RAPGEF6: variants seen among roughly 807,000 people sequenced by gnomAD.
The protein encoded by RAPGEF6 is PDZ domain containing guanine nucleotide exchange factor (GEF) 2.
RAPGEF6 carries 56 observed loss-of-function variants against 171.4 expected under a neutral mutation model. That is an observed-to-expected ratio of 0.33 (90% CI 0.26 to 0.41). RAPGEF6 has a LOEUF of 0.41. RAPGEF6 is among the 10% of genes least tolerant of loss of function. RAPGEF6 has a pLI of 1.00. For missense variants in RAPGEF6, 1,674 were observed against 1,921.4 expected, an observed-to-expected ratio of 0.87 and a Z score of 2.41; for synonymous variants, 692 against 650.1, an observed-to-expected ratio of 1.06 and a Z score of -0.98.
intron 20 of RAPGEF6, among the ~76,000 whole-genome samples, chr5:131,454,407 T>C (rs1481574646): frequency 2.0e-5 from 3 of 151,830 alleles, no homozygotes; most frequent in Non-Finnish European, 4.4e-5. Context: ...GGAGAAAACA[T>C]AACATGACAG....
intron 19 of RAPGEF6, among the ~76,000 whole-genome samples, chr5:131,457,065 T>C (rs905241650): frequency 1.3e-5 from 2 of 152,098 alleles, no homozygotes; most frequent in Non-Finnish European, 2.9e-5. Flanking sequence ...AATCCTTTAT[T>C]TTATTTATTT....
intron 3 of RAPGEF6, among the ~76,000 whole-genome samples, chr5:131,596,997 T>C (rs1036022425): frequency 6.6e-6 from 1 of 151,896 alleles, no homozygotes; most frequent in Non-Finnish European, 1.5e-5. Context: ...CCTCTGACAA[T>C]GGGTTAATAT....
intron 22 of RAPGEF6, among the ~76,000 whole-genome samples, chr5:131,443,658 A>C (rs1365236912): frequency 6.6e-6 from 1 of 152,192 alleles, no homozygotes; most frequent in Non-Finnish European, 1.5e-5. Context: ...ATGATTTAGC[A>C]TCAGCCTGCT....
intron 19 of RAPGEF6, among the ~76,000 whole-genome samples, chr5:131,458,725 C>G (rs1463887446): frequency 6.6e-6 from 1 of 152,218 alleles, no homozygotes; most frequent in Admixed American, 6.5e-5. Flanking sequence ...ATGATCTTGG[C>G]TTACTGCAAC....
intron 3 of RAPGEF6, 119 bp from the exon 4 acceptor site, chr5:131,592,585 C>T (rs1763657491): frequency 2.1e-6 from 3 of 1,443,836 alleles, no homozygotes; most frequent in Non-Finnish European, 2.7e-6. Context: ...AGTAACACTA[C>T]CTGGAAATTT....
At chr5:131,439,768 T>C in intron 23 of RAPGEF6, 53 bp from the exon 24 acceptor site, 1 of 1,585,330 alleles carries the variant, frequency 6.3e-7, no homozygotes, top group Non-Finnish European at 8.6e-7. Flanking sequence ...TTAAAATGTC[T>C]ATAGTTGCCT....
At position 131,427,242 on chromosome 5, in the gene RAPGEF6, G is replaced by T; in HGVS notation, c.*24C>A. ...GCCCATTCCTCCACGACTTTCAGTG[G>T]TTTTCAAATAGGTCATCCAAAGGCT... On this transcript the variant is annotated 3_prime_UTR_variant, in exon 28 of 28. Transcript: ENST00000509018. 1 of 1,603,892 alleles carries T rather than the reference G, an allele frequency of 6.2e-7. No homozygotes were observed. The highest frequency in any genetic ancestry group is 8.5e-7 in the Non-Finnish European group (1 of 1,170,800).
At position 131,472,678 on chromosome 5, in the gene RAPGEF6, C is replaced by A. The variant is rs1474255389; in HGVS notation, c.2148G>T (p.Leu716=). ...GTGTTCCAGGGATGGGCATTATAGC[C>A]AGACTATGCCTACAGTGCCTTGTTC... ...IVGTRHCRHS[L]AIMPIPGTLS... The change falls in exon 17 of 28, where the codon CTG becomes CTT. Residue 716 remains leucine (L), a synonymous_variant. Transcript: ENST00000509018. 6.2e-7 allele frequency: 1 copy of A among 1,612,770 alleles called. No homozygotes were observed. Among genetic ancestry groups the A allele is most frequent in the African/African-American group, 1.3e-5 (1 of 74,878 alleles).
chr5:131,510,296 A>G lies in RAPGEF6; in HGVS notation c.805+18T>C, dbSNP rs767112735. 3 of 1,595,742 alleles carry G rather than the reference A, an allele frequency of 1.9e-6. No homozygotes were observed. Among genetic ancestry groups the G allele is most frequent in the Non-Finnish European group, 2.6e-6 (3 of 1,172,068 alleles). The stretch of plus-strand genomic sequence containing the variant: ...AATTAAGTTACAAATTCTTATTGTG[A>G]ACACATATATTTCTTACCAATGTCA... On this transcript the variant is annotated intron_variant, in intron 8 of 27. Transcript: ENST00000509018.
intron 7 of RAPGEF6, 88 bp from the exon 8 acceptor site, chr5:131,510,579 C>A (rs1757654485): frequency 1.6e-6 from 2 of 1,267,848 alleles, no homozygotes; most frequent in Non-Finnish European, 2.2e-6. Flanking sequence ...CCCATCCCTA[C>A]AAAATATAAA....
At chr5:131,591,915 T>C (rs1265800203) in intron 4 of RAPGEF6, among the ~76,000 whole-genome samples, 1 of 152,132 alleles carries the variant, frequency 6.6e-6, no homozygotes, top group African/African-American at 2.4e-5. Flanking sequence ...TGGAGTGTAA[T>C]GGCGTGGTCT....
intron 5 of RAPGEF6, among the ~76,000 whole-genome samples, chr5:131,559,907 A>T (rs2149964957): frequency 6.6e-6 from 1 of 152,192 alleles, no homozygotes; most frequent in Middle Eastern, 3.4e-3. Flanking sequence ...TCAGATTAAG[A>T]TGACTAACTT....
chr5:131,574,401 T>TTACA (rs1342750469), intron 4 of RAPGEF6, among the ~76,000 whole-genome samples: 1 of 152,130 alleles, frequency 6.6e-6, no homozygotes, highest in Non-Finnish European at 1.5e-5. Flanking sequence ...CGGGTAACTC[T>TTACA]TACAGTGGAG....
chr5:131,575,559 T>A (rs1263202827), intron 4 of RAPGEF6, among the ~76,000 whole-genome samples: 1 of 152,222 alleles, frequency 6.6e-6, no homozygotes, highest in Admixed American at 6.5e-5. Context: ...CTTTCCTTCC[T>A]AGGCGTGGTT....
At position 131,616,807 on chromosome 5, in the gene RAPGEF6, T is replaced by C. The variant is rs774776566; in HGVS notation, c.70-12114A>G. Among the ~76,000 whole-genome samples the C allele has an allele frequency of 5.3e-5, 8 of 151,410 alleles. 1 individual carries two copies. The highest frequency in any genetic ancestry group is 1.0e-4 in the Non-Finnish European group (7 of 67,846). ...TTTTTTTTCCTTTGTAGAGACAAGG[T>C]CTATGTTGCCTAGGATGGTCTTGAA... On this transcript the variant is annotated intron_variant, in intron 1 of 27. Coordinates refer to ENST00000509018, the MANE Select transcript of RAPGEF6 (RefSeq NM_016340.6).
At chr5:131,634,494 C>A (rs1038250249) in intron 1 of RAPGEF6, among the ~76,000 whole-genome samples, 3 of 152,226 alleles carry the variant, frequency 2.0e-5, no homozygotes, top group Non-Finnish European at 4.4e-5. Flanking sequence ...CACCATTTGA[C>A]TGGATGTAAA....
In RAPGEF6 at chr5:131,603,332, T is replaced by TAAA; in HGVS notation, c.141-8_141-6dup. ...CGTGCTCTTGCAGACATTAATCTAT[T>TAAA]AAAAAAAAAAATTGAAGATTTTATC... is the stretch of plus-strand genomic sequence containing the variant. On this transcript the variant is annotated splice_region_variant and splice_polypyrimidine_tract_variant and intron_variant, in intron 2 of 27. Transcript: ENST00000509018. 6 of 1,339,250 alleles carry TAAA rather than the reference T, an allele frequency of 4.5e-6. No homozygotes were observed. Among genetic ancestry groups the TAAA allele is most frequent in the Non-Finnish European group, 5.0e-6 (5 of 998,794 alleles). The allele number at this position is 1,339,250 out of a possible 1,614,324, so 83.0% of individuals were successfully genotyped here. A position where few individuals can be genotyped will look rare whatever the true frequency, so the allele number is the denominator to read the frequency against.
At position 131,442,484 on chromosome 5, in the gene RAPGEF6, C is replaced by T; in HGVS notation, c.3475G>A (p.Val1159Met). The change falls in exon 23 of 28, where the codon GTG becomes ATG. Residue 1159 changes from valine to methionine, a missense_variant. By Grantham distance (21) the Val-to-Met change is conservative (BLOSUM62 1). Coordinates refer to ENST00000509018, the MANE Select transcript of RAPGEF6 (RefSeq NM_016340.6). ...RSAKSSEMSP[V>M]PMRSAGQTTK... ...GTTTGGCCAGCTGACCTCATAGGCA[C>T]TGGAGACATTTCAGATGATTTGGCT... 2 of 1,614,148 alleles carry T rather than the reference C, an allele frequency of 1.2e-6. No individual in the cohort carries two copies. Among genetic ancestry groups the T allele is most frequent in the Non-Finnish European group, 8.5e-7 (1 of 1,180,018 alleles).
intron 27 of RAPGEF6, among the ~76,000 whole-genome samples, chr5:131,428,317 T>C (rs974702078): frequency 4.6e-5 from 7 of 151,772 alleles, no homozygotes; most frequent in Admixed American, 1.3e-4. Flanking sequence ...GGAGGCTGAG[T>C]TGGGAGGACT....
Sources: allele counts gnomAD v4.1 joint callset (sites outside exome capture counted in the v4.1 genomes callset), GRCh38; gene constraint gnomAD v4.1.1; transcripts MANE v1.5; gene names NCBI Gene and HGNC (gene_info 2026-07-23, HGNC 2026-07-21).